The following RASGRP3 variants were observed in gnomAD, a reference collection of about 807,000 sequenced individuals.
RASGRP3 encodes ras guanyl-releasing protein 3.
In RASGRP3, 54 loss-of-function variants were observed where a neutral mutation model predicts 82.7. The observed-to-expected ratio is 0.65, with a 90% CI of 0.52 to 0.82. RASGRP3 has a LOEUF of 0.82. RASGRP3 is among the 40% of genes least tolerant of loss of function. The pLI, the probability that RASGRP3 is intolerant of heterozygous loss-of-function variation, is 0.00. For missense variants in RASGRP3, 861 were observed against 828.9 expected (o/e 1.04, Z -0.48); for synonymous variants, 309 against 300.5 (o/e 1.03, Z -0.29).
intron 4 of RASGRP3, among the ~76,000 whole-genome samples, chr2:33,517,292 G>A (rs1166376083): frequency 6.6e-6 from 1 of 152,218 alleles, no homozygotes; most frequent in East Asian, 1.9e-4. Context: ...CCAAATGACT[G>A]AAAATGCAGT....
chr2:33,443,139 GTTTC>G (rs1211075169), intron 1 of RASGRP3, among the ~76,000 whole-genome samples: 3 of 152,108 alleles, frequency 2.0e-5, no homozygotes, highest in Admixed American at 6.5e-5. Flanking sequence ...TCTTAAAAGT[GTTTC>G]TTTCTATTAC....
At chr2:33,504,950 A>G (rs1214204893) in intron 1 of RASGRP3, among the ~76,000 whole-genome samples, 1 of 152,258 alleles carries the variant, frequency 6.6e-6, no homozygotes, top group East Asian at 1.9e-4. Context: ...CTCATCTCAC[A>G]AGACCTCATT....
intron 2 of RASGRP3, among the ~76,000 whole-genome samples, chr2:33,513,147 A>G (rs1244679453): frequency 6.6e-6 from 1 of 152,236 alleles, no homozygotes; most frequent in Non-Finnish European, 1.5e-5. Context: ...AAAGCGTTTG[A>G]TCCAGCGTTT....
chr2:33,444,402 T>C (rs1240685656), intron 1 of RASGRP3, among the ~76,000 whole-genome samples: 1 of 152,224 alleles, frequency 6.6e-6, no homozygotes, highest in African/African-American at 2.4e-5. Flanking sequence ...AAAAACTTTA[T>C]ATTCCCTTTT....
At chr2:33,556,036 C>T (rs1675908049) in intron 15 of RASGRP3, among the ~76,000 whole-genome samples, 1 of 152,082 alleles carries the variant, frequency 6.6e-6, no homozygotes, top group Non-Finnish European at 1.5e-5. Context: ...TCAATGAATG[C>T]TTTCCTCTAT....
intron 2 of RASGRP3, among the ~76,000 whole-genome samples, chr2:33,453,506 T>A (rs1398624272): frequency 6.6e-6 from 1 of 152,222 alleles, no homozygotes; most frequent in Non-Finnish European, 1.5e-5. Flanking sequence ...AGTTCCTTTC[T>A]TCGTGGACTT....
intron 4 of RASGRP3, among the ~76,000 whole-genome samples, chr2:33,517,846 G>C (rs1361595104): frequency 6.6e-6 from 1 of 152,176 alleles, no homozygotes; most frequent in Non-Finnish European, 1.5e-5. Flanking sequence ...TTTAGGCATA[G>C]TAACGTTTAA....
intron 1 of RASGRP3, among the ~76,000 whole-genome samples, chr2:33,487,912 G>T (rs1467519087): frequency 6.6e-6 from 1 of 152,202 alleles, no homozygotes; most frequent in Non-Finnish European, 1.5e-5. Context: ...ACCAGCCTGG[G>T]CAACATAGTT....
At chr2:33,487,839 C>T (rs1187613323) in intron 1 of RASGRP3, among the ~76,000 whole-genome samples, 1 of 152,192 alleles carries the variant, frequency 6.6e-6, no homozygotes, top group Non-Finnish European at 1.5e-5. Flanking sequence ...GTGGCTCATG[C>T]TTGTAATTCT....
chr2:33,558,064 A>G, intron 15 of RASGRP3, 147 bp from the exon 16 acceptor site: 3 of 1,072,500 alleles, frequency 2.8e-6, no homozygotes, highest in Non-Finnish European at 4.0e-6. Context: ...CAGATCCTAG[A>G]CACACCCCAT....
At position 33,551,424 on chromosome 2, in the gene RASGRP3, C is replaced by G. The variant is rs144536910; in HGVS notation, c.1542+1673C>G. On this transcript the variant is annotated intron_variant, in intron 14 of 17. Coordinates refer to ENST00000403687, the MANE Select transcript of RASGRP3 (RefSeq NM_001139488.2). ...GGGATGGGGCCGTGCATAACACGCT[C>G]CTACAGAGTGGGACCCAGTAAACAA... is the stretch of plus-strand genomic sequence containing the variant. Among the ~76,000 whole-genome samples, 16 of 152,272 alleles carry G rather than the reference C, an allele frequency of 1.1e-4. No individual in the cohort carries two copies. In the East Asian group the frequency reaches 2.9e-3, roughly 28 times the overall value.
intron 13 of RASGRP3, among the ~76,000 whole-genome samples, chr2:33,546,904 T>A (rs1038649302): frequency 6.6e-6 from 1 of 151,696 alleles, no homozygotes; most frequent in African/African-American, 2.4e-5. Flanking sequence ...CCATCTCTAC[T>A]GAAAATACAA....
intron 2 of RASGRP3, among the ~76,000 whole-genome samples, chr2:33,459,148 A>G (rs1436995542): frequency 6.6e-6 from 1 of 151,444 alleles, no homozygotes; most frequent in African/African-American, 2.4e-5. Context: ...TTTTTTTGAG[A>G]TGGAGTCTCG....
At chr2:33,509,749 C>T (rs1670750515) in intron 1 of RASGRP3, among the ~76,000 whole-genome samples, 1 of 152,170 alleles carries the variant, frequency 6.6e-6, no homozygotes, top group African/African-American at 2.4e-5. Flanking sequence ...ATCTGTCTTG[C>T]TTATCCATTT....
intron 6 of RASGRP3, among the ~76,000 whole-genome samples, chr2:33,521,442 T>C (rs1335756765): frequency 6.6e-6 from 1 of 152,238 alleles, no homozygotes. Flanking sequence ...TAGTAATCAA[T>C]AGTGAATGAT....
At chr2:33,476,277 G>C (rs941347473), upstream of RASGRP3, 1 of 152,250 alleles carries the variant, frequency 6.6e-6, no homozygotes, top group African/African-American at 2.4e-5. Flanking sequence ...CTCTCTTGCC[G>C]TTCGAGAGCC....
rs74729722 is a variant in RASGRP3 at position 33,447,249 on chromosome 2, G to A, written c.-384-571G>A. On this transcript the variant is annotated intron_variant, in intron 1 of 18. Coordinates refer to the RASGRP3 transcript ENST00000402538. Reference sequence around the variant, plus strand: ...AGAATCAGGGACCTACAAATGAGTTGAGATTATGTATGTAGCCCAAGGAAC... The same window carrying A: ...AGAATCAGGGACCTACAAATGAGTTAAGATTATGTATGTAGCCCAAGGAAC... 4.1e-3 allele frequency among the ~76,000 whole-genome samples: 631 copies of A among 152,208 alleles called. 3 individuals are homozygous for A. The highest frequency in any genetic ancestry group is 0.015 in the African/African-American group (605 of 41,524).
chr2:33,500,779 C>T (rs192853015), intron 1 of RASGRP3, among the ~76,000 whole-genome samples: 1 of 152,030 alleles, frequency 6.6e-6, no homozygotes, highest in African/African-American at 2.4e-5. Context: ...AATAAAAATA[C>T]AAAAAGTAGC....
At chr2:33,524,909 C>T (rs918438711) in intron 9 of RASGRP3, among the ~76,000 whole-genome samples, 4 of 151,786 alleles carry the variant, frequency 2.6e-5, no homozygotes, top group Non-Finnish European at 5.9e-5. Flanking sequence ...GAAACCCCGT[C>T]TCTACTAAAA....
Sources: gnomAD v4.1 joint callset for allele counts (sites outside exome capture counted in the v4.1 genomes callset) on GRCh38, gnomAD v4.1.1 for gene constraint, MANE v1.5 for transcripts, NCBI Gene and HGNC (gene_info 2026-07-23, HGNC 2026-07-21) for gene names.